The following TRAPPC9 variants were observed in gnomAD, a reference collection of about 807,000 sequenced individuals.
TRAPPC9 encodes the protein trafficking protein particle complex subunit 9.
TRAPPC9 carries 83 observed loss-of-function variants against 124.0 expected under a neutral mutation model. That is an observed-to-expected ratio of 0.67 (90% confidence interval 0.56 to 0.80). The LOEUF (loss-of-function observed/expected upper bound fraction) is 0.80, where lower values mean the gene tolerates loss of function less well. TRAPPC9 is among the 30% of genes least tolerant of loss of function. The pLI, the probability that TRAPPC9 is intolerant of heterozygous loss-of-function variation, is 0.00. For synonymous variants in TRAPPC9, 638 were observed against 617.5 expected (o/e 1.03, Z -0.49); for missense variants, 1,302 against 1,508.3 (o/e 0.86, Z 2.27).
intron 2 of TRAPPC9, among the ~76,000 whole-genome samples, chr8:140,445,214 TCTC>T (rs1390387138): frequency 1.3e-5 from 2 of 152,182 alleles, no homozygotes; most frequent in Non-Finnish European, 2.9e-5. Context: ...CAGACAGATT[TCTC>T]CTTTCTGTCC....
At chr8:139,934,035 T>A (rs1171841133) in intron 19 of TRAPPC9, 3 of 152,190 alleles carry the variant, frequency 2.0e-5, no homozygotes, top group Non-Finnish European at 4.4e-5. Context: ...CATCCTTAGC[T>A]GCTACTACGT....
intron 19 of TRAPPC9, among the ~76,000 whole-genome samples, chr8:139,951,452 T>C (rs1455304549): frequency 6.6e-6 from 1 of 152,224 alleles, no homozygotes; most frequent in Admixed American, 6.5e-5. Flanking sequence ...TTTGCCACTT[T>C]CCCCAGCAGA....
At chr8:139,846,182 G>A (rs1029757042) in intron 21 of TRAPPC9, among the ~76,000 whole-genome samples, 2 of 152,236 alleles carry the variant, frequency 1.3e-5, no homozygotes, top group Admixed American at 6.5e-5. Context: ...TGCCGGAAGC[G>A]GTAGAGGCTG....
chr8:140,351,108 G>A (rs2067556581), intron 9 of TRAPPC9, among the ~76,000 whole-genome samples: 1 of 151,238 alleles, frequency 6.6e-6, no homozygotes, highest in Non-Finnish European at 1.5e-5. Context: ...TGATTCCAGG[G>A]CTGGGCCGGA....
rs193026107 is a variant in TRAPPC9, at chr8:139,891,309, G to A, written c.2965-5340C>T. 2.2e-4 allele frequency among the ~76,000 whole-genome samples: 34 copies of A among 152,370 alleles called. 1 individual carries two copies. Among genetic ancestry groups the A allele is most frequent in the African/African-American group, 7.7e-4 (32 of 41,588 alleles). On this transcript the variant is annotated intron_variant, in intron 20 of 22. Transcript: ENST00000438773. The stretch of plus-strand genomic sequence containing the variant: ...GCAAAGATTAAAGAACTTTTCTGAA[G>A]GAAGGGGAGGAAGCAAAGCATGCAT...
chr8:140,337,569 G>A (rs2067076284), intron 9 of TRAPPC9, among the ~76,000 whole-genome samples: 1 of 152,188 alleles, frequency 6.6e-6, no homozygotes, highest in South Asian at 2.1e-4. Context: ...CGGCAAGAGA[G>A]AGAACAAACG....
chr8:140,409,371 G>C (rs999629039), intron 5 of TRAPPC9, among the ~76,000 whole-genome samples: 1 of 151,986 alleles, frequency 6.6e-6, no homozygotes, highest in Non-Finnish European at 1.5e-5. Context: ...CGAATGATGC[G>C]GCCTTTATGA....
intron 11 of TRAPPC9, chr8:140,291,316 G>A (rs189991820): frequency 4.1e-5 from 24 of 580,424 alleles, no homozygotes; most frequent in South Asian, 9.6e-5. Context: ...TGCCTTCGGC[G>A]GGCTGCATTC....
intron 21 of TRAPPC9, among the ~76,000 whole-genome samples, chr8:139,748,961 G>A (rs1338268704): frequency 6.6e-6 from 1 of 152,134 alleles, no homozygotes; most frequent in Non-Finnish European, 1.5e-5. Context: ...TGGACTCCTG[G>A]TGTGTGCAGC....
At chr8:139,737,473 C>CCCG (rs1818270728) in intron 21 of TRAPPC9, among the ~76,000 whole-genome samples, 1 of 122,416 alleles carries the variant, frequency 8.2e-6, no homozygotes, top group Non-Finnish European at 1.9e-5. Context: ...CCCTCCCCCC[C>CCCG]CCCCCACGGA....
rs184051745 is a variant in TRAPPC9, at chr8:139,835,240, G to A, written c.3055+50639C>T. Among the ~76,000 whole-genome samples the A allele has an allele frequency of 9.2e-5, 14 of 152,318 alleles. No individual in the cohort carries two copies. In the East Asian group the frequency reaches 2.3e-3, roughly 25 times the overall value. On this transcript the variant is annotated intron_variant, in intron 21 of 22. Coordinates refer to ENST00000438773, the MANE Select transcript of TRAPPC9 (RefSeq NM_001160372.4). Reference sequence around the variant, plus strand: ...CCTCCCCCATCTGACCAGCTCCTCTGACCTCCTCACCCACTTCGAGCAGAA... The same window carrying A: ...CCTCCCCCATCTGACCAGCTCCTCTAACCTCCTCACCCACTTCGAGCAGAA...
At chr8:139,960,485 T>A (rs1835307241) in intron 19 of TRAPPC9, among the ~76,000 whole-genome samples, 1 of 152,170 alleles carries the variant, frequency 6.6e-6, no homozygotes, top group Admixed American at 6.5e-5. Context: ...CGCCTCTCAA[T>A]GTCATTCATC....
intron 20 of TRAPPC9, among the ~76,000 whole-genome samples, chr8:139,900,435 T>C (rs1262671276): frequency 6.6e-6 from 1 of 152,248 alleles, no homozygotes; most frequent in East Asian, 1.9e-4. Context: ...CTGTGTTAGG[T>C]GCTGGGGATT....
rs1044757993 is a variant in TRAPPC9, at chr8:140,257,903, G to C, written c.2279-4974C>G. On this transcript the variant is annotated intron_variant, in intron 15 of 22. Coordinates refer to ENST00000438773, the MANE Select transcript of TRAPPC9 (RefSeq NM_001160372.4). The surrounding 1 kb of genome is among the most constrained non-coding windows in gnomAD (Gnocchi z 4.6). The stretch of plus-strand genomic sequence containing the variant: ...TTGTAGCTCTCACTGGGATGTGCAT[G>C]TGAGGAGAACTGCATCACTGTCCTT... Among the ~76,000 whole-genome samples the C allele has an allele frequency of 2.0e-5, 3 of 152,238 alleles. No homozygotes were observed. Among genetic ancestry groups the C allele is most frequent in the Non-Finnish European group, 4.4e-5 (3 of 68,044 alleles).
At chr8:140,417,454 C>T (rs370975617) in intron 5 of TRAPPC9, among the ~76,000 whole-genome samples, 10 of 152,182 alleles carry the variant, frequency 6.6e-5, no homozygotes, top group African/African-American at 1.9e-4. Context: ...AACAAACATA[C>T]GAAAAAAGCT....
intron 17 of TRAPPC9, among the ~76,000 whole-genome samples, chr8:140,026,442 A>G (rs1464552148): frequency 2.0e-5 from 3 of 152,178 alleles, no homozygotes; most frequent in Non-Finnish European, 4.4e-5. Context: ...GCCATTTTAC[A>G]TTCCCACCAG....
intron 21 of TRAPPC9, among the ~76,000 whole-genome samples, chr8:139,852,950 C>T (rs1170833382): frequency 6.6e-6 from 1 of 152,172 alleles, no homozygotes; most frequent in Non-Finnish European, 1.5e-5. Context: ...CTGGCCTGCC[C>T]CCTGTCTGAT....
chr8:140,091,809 G>C (rs1401028930), intron 17 of TRAPPC9, among the ~76,000 whole-genome samples: 1 of 152,130 alleles, frequency 6.6e-6, no homozygotes, highest in Admixed American at 6.5e-5. Flanking sequence ...CCTCAACCCA[G>C]GACTGCTCTA....
chr8:140,023,768 A>G (rs1839955565), intron 18 of TRAPPC9, among the ~76,000 whole-genome samples, 169 bp downstream of exon 18: 1 of 152,260 alleles, frequency 6.6e-6, no homozygotes, highest in Non-Finnish European at 1.5e-5. Flanking sequence ...GTTCTCATGT[A>G]ACACCTGGTT....
Sources: gnomAD v4.1 joint callset for allele counts (sites outside exome capture counted in the v4.1 genomes callset) on GRCh38, gnomAD v4.1.1 for gene constraint, Gnocchi (gnomAD v3.1) non-coding constraint, MANE v1.5 for transcripts, NCBI Gene and HGNC (gene_info 2026-07-23, HGNC 2026-07-21) for gene names.